DAPK1: variants seen among roughly 807,000 people sequenced by gnomAD.
DAPK1 encodes the protein death-associated protein kinase 1.
A neutral mutation model predicts 144.9 loss-of-function variants in DAPK1; 56 were observed. That is an observed-to-expected ratio of 0.39 (90% CI 0.31 to 0.48). The LOEUF (loss-of-function observed/expected upper bound fraction) is 0.48, where lower values mean the gene tolerates loss of function less well. Among genes scored for constraint, DAPK1 ranks in the 20% least tolerant of loss-of-function variants. DAPK1 has a pLI of 0.95. For missense variants in DAPK1, 1,454 were observed against 1,875.4 expected (o/e 0.78, Z 4.15); for synonymous variants, 690 against 749.0 (o/e 0.92, Z 1.29).
intron 2 of DAPK1, among the ~76,000 whole-genome samples, chr9:87,539,430 C>CGTT: frequency 7.7e-6 from 1 of 129,240 alleles, no homozygotes; most frequent in South Asian, 2.4e-4. Flanking sequence ...AAATTTCTCA[C>CGTT]TTTTTTTTTT....
chr9:87,519,355 G>C (rs1262501099), intron 2 of DAPK1, among the ~76,000 whole-genome samples: 1 of 152,212 alleles, frequency 6.6e-6, no homozygotes, highest in Non-Finnish European at 1.5e-5. Context: ...CGCCCTCTTG[G>C]AGGGTTGGTG....
chr9:87,520,836 A>G (rs1177362065), intron 2 of DAPK1, among the ~76,000 whole-genome samples: 1 of 152,340 alleles, frequency 6.6e-6, no homozygotes, highest in Admixed American at 6.5e-5. Context: ...ACATATATCT[A>G]TACATGTACT....
chr9:87,686,790 G>A lies in DAPK1; in HGVS notation c.2413+51G>A. ...GGACCTCAGGTTTCCCTTCAACAGG[G>A]TTGTAAGTCATCCCTAAAGGGAGCT... On this transcript the variant is annotated intron_variant, in intron 21 of 25. Coordinates refer to ENST00000408954, the MANE Select transcript of DAPK1 (RefSeq NM_004938.4). This position sits in a 1 kb window ranked among gnomAD's most constrained non-coding sequence, Gnocchi z 4.2. The A allele has an allele frequency of 6.8e-7, 1 of 1,468,816 alleles. No homozygotes were observed. Among genetic ancestry groups the A allele is most frequent in the East Asian group, 2.3e-5 (1 of 42,750 alleles). 91.0% of individuals were successfully genotyped at this position (1,468,816 alleles called of 1,614,324 possible). A position where few individuals can be genotyped will look rare whatever the true frequency, so the allele number is the denominator to read the frequency against.
At chr9:87,657,949 C>A in intron 17 of DAPK1, 80 bp from the exon 18 acceptor site, 1 of 722,424 alleles carries the variant, frequency 1.4e-6, no homozygotes. Context: ...TGACCCCTTC[C>A]TTAACCTTGT....
At position 87,681,434 on chromosome 9, in the gene DAPK1, C is replaced by A; in HGVS notation, c.2032C>A (p.Leu678Ile). ...DTHRGLFIQQ[L>I]RPTQNLQPRI... ...GCACCGAGGACTCTTCATCCAGCAG[C>A]TCCGACCCACACAGAACCTGCAGCC... is the stretch of plus-strand genomic sequence containing the variant. Residue 678 changes from leucine (L) to isoleucine (I), a missense_variant, in exon 20 of 26, where the codon CTC (leucine) becomes ATC (isoleucine). Transcript: ENST00000408954. The A allele has an allele frequency of 6.2e-7, 1 of 1,612,740 alleles. No individual in the cohort carries two copies. Among genetic ancestry groups the A allele is most frequent in the Non-Finnish European group, 8.5e-7 (1 of 1,178,690 alleles).
chr9:87,560,229 C>T (rs1415201243), intron 2 of DAPK1, among the ~76,000 whole-genome samples: 3 of 152,028 alleles, frequency 2.0e-5, no homozygotes, highest in Admixed American at 1.3e-4. Context: ...TTCCTGACCT[C>T]AAGTGATCTG....
chr9:87,648,779 A>C lies in DAPK1; in HGVS notation c.1330-2A>C. On this transcript the variant is annotated splice_acceptor_variant, in intron 14 of 25. Transcript: ENST00000408954. LOFTEE classifies it high-confidence loss of function. ...GAATCACCGGCTCCTTTTCTTCTGC[A>C]GTCTGGAGAGATGGCCCTCCACGTG... The C allele has an allele frequency of 8.7e-6, 14 of 1,613,542 alleles. No individual in the cohort carries two copies. Among genetic ancestry groups the C allele is most frequent in the Non-Finnish European group, 1.2e-5 (14 of 1,179,396 alleles).
chr9:87,498,680 G>A (rs1218349958), intron 1 of DAPK1: 2 of 392,784 alleles, frequency 5.1e-6, no homozygotes, highest in South Asian at 1.2e-4. Context: ...AGGGGAGGCG[G>A]GGAGGCCAGT....
chr9:87,553,249 G>C (rs868863557), intron 2 of DAPK1, among the ~76,000 whole-genome samples: 4 of 150,932 alleles, frequency 2.7e-5, no homozygotes, highest in Admixed American at 1.3e-4. Context: ...CATGTGGGGG[G>C]GGTTGGGTGA....
intron 20 of DAPK1, among the ~76,000 whole-genome samples, chr9:87,684,739 G>C (rs922154238): frequency 9.2e-5 from 14 of 151,932 alleles, no homozygotes; most frequent in Admixed American, 4.6e-4. Context: ...CCGGTGACCA[G>C]GTAAAGTGGG....
chr9:87,620,245 CAA>C (rs953940026), intron 3 of DAPK1, among the ~76,000 whole-genome samples: 43 of 152,268 alleles, frequency 2.8e-4, no homozygotes, highest in African/African-American at 1.0e-3. Context: ...TTTTAGAGCT[CAA>C]AGAGGGAAAC....
chr9:87,697,231 A>T, intron 22 of DAPK1, 27 bp downstream of exon 22: 1 of 1,073,664 alleles, frequency 9.3e-7, no homozygotes, highest in Non-Finnish European at 1.4e-6. Context: ...CAGGCCAGTG[A>T]TGTCCTACCT....
chr9:87,602,881 C>G (rs373931954), intron 2 of DAPK1, among the ~76,000 whole-genome samples: 25 of 151,800 alleles, frequency 1.6e-4, no homozygotes, highest in Non-Finnish European at 3.5e-4. Flanking sequence ...ATCCACCCAC[C>G]TCGGCCTCCC....
intron 2 of DAPK1, among the ~76,000 whole-genome samples, chr9:87,511,327 T>C (rs1353434562): frequency 6.6e-6 from 1 of 152,220 alleles, no homozygotes; most frequent in Non-Finnish European, 1.5e-5. Context: ...AAGAAACATA[T>C]TGACTAGGAA....
At chr9:87,579,641 A>G in intron 2 of DAPK1, among the ~76,000 whole-genome samples, 1 of 152,184 alleles carries the variant, frequency 6.6e-6, no homozygotes, top group African/African-American at 2.4e-5. Flanking sequence ...AGAAAGAAGA[A>G]TTGAAATCTT....
At chr9:87,652,409 GGGT>G (rs1830481256) in intron 17 of DAPK1, among the ~76,000 whole-genome samples, 2 of 38,932 alleles carry the variant, frequency 5.1e-5, no homozygotes, top group Admixed American at 2.7e-4. Flanking sequence ...ACCTGATCCC[GGGT>G]CCTGATTCTG....
rs1295336064 is a variant in DAPK1 at position 87,707,176 on chromosome 9, C to T, written c.4105C>T (p.Pro1369Ser). The T allele has an allele frequency of 1.2e-6, 2 of 1,614,082 alleles. No homozygotes were observed. The highest frequency in any genetic ancestry group is 1.1e-5 in the South Asian group (1 of 91,084). ...HALLREWTTY[P>S]ESTVGTLMSK... ...CCTGCTGCGGGAATGGACCACCTAC[C>T]CTGAGAGCACAGTGGGCACCCTCAT... The change falls in exon 26 of 26, where the codon CCT (proline) becomes TCT (serine). Residue 1369 changes from proline (P) to serine (S), a missense_variant. Physicochemically the swap from Pro to Ser is moderately conservative, Grantham distance 74. Around this residue, in one of 2 missense-constraint regions of DAPK1, gnomAD observed 1,025 missense variants for 1,237.9 expected, o/e 0.83. Transcript: ENST00000408954. This position sits in a 1 kb window ranked among gnomAD's most constrained non-coding sequence, Gnocchi z 4.0.
At chr9:87,649,848 A>G in intron 15 of DAPK1, 73 bp from the exon 16 acceptor site, 1 of 1,480,672 alleles carries the variant, frequency 6.8e-7, no homozygotes, top group Non-Finnish European at 9.4e-7. Flanking sequence ...TTTGACAGGG[A>G]CTCTCACCTT....
intron 2 of DAPK1, among the ~76,000 whole-genome samples, chr9:87,500,528 T>C (rs906582664): frequency 2.6e-5 from 4 of 152,220 alleles, no homozygotes; most frequent in Admixed American, 6.5e-5. Context: ...TTGCATAGTG[T>C]GGCCTGATCG....
Sources: allele counts gnomAD v4.1 joint callset (sites outside exome capture counted in the v4.1 genomes callset), GRCh38; gene constraint gnomAD v4.1.1; regional missense constraint gnomAD v4.1.1; non-coding constraint Gnocchi (gnomAD v3.1); transcripts MANE v1.5; gene names NCBI Gene and HGNC (gene_info 2026-07-23, HGNC 2026-07-21).